KCNK2: variants seen among roughly 807,000 people sequenced by gnomAD.
The protein encoded by KCNK2 is potassium channel subfamily K member 2.
KCNK2 carries 21 observed loss-of-function variants against 40.5 expected under a neutral mutation model. The ratio of observed to expected loss-of-function variants is 0.52; its 90% CI spans 0.37 to 0.75. The LOEUF is 0.75. Among genes scored for constraint, KCNK2 ranks in the 30% least tolerant of loss-of-function variants. The pLI, the probability that KCNK2 is intolerant of heterozygous loss-of-function variation, is 0.00. For synonymous variants in KCNK2, 191 were observed against 202.2 expected (o/e 0.94, Z 0.47); for missense variants, 399 against 531.6 (o/e 0.75, Z 2.45).
intron 6 of KCNK2, among the ~76,000 whole-genome samples, chr1:215,209,351 T>G (rs1665477190): frequency 1.2e-5 from 1 of 80,496 alleles, no homozygotes; most frequent in Non-Finnish European, 2.2e-5. Context: ...ATATATATAT[T>G]ATATATAATA....
intron 1 of KCNK2, among the ~76,000 whole-genome samples, chr1:215,041,753 T>A (rs1657570889): frequency 6.6e-6 from 1 of 152,228 alleles, no homozygotes; most frequent in Non-Finnish European, 1.5e-5. Context: ...AGCTATATTT[T>A]CAGGTCTGTA....
intron 6 of KCNK2, among the ~76,000 whole-genome samples, chr1:215,203,536 A>T (rs181665138): frequency 2.0e-4 from 30 of 152,068 alleles, no homozygotes; most frequent in African/African-American, 7.2e-4. Context: ...GACTATATAT[A>T]TATATAATAT....
chr1:215,117,188 G>A (rs1221858979), intron 2 of KCNK2, among the ~76,000 whole-genome samples: 1 of 151,956 alleles, frequency 6.6e-6, no homozygotes, highest in African/African-American at 2.4e-5. Context: ...CTAGTTTCAT[G>A]TAATGAGTCA....
chr1:215,029,640 G>T (rs1313955236), intron 1 of KCNK2, among the ~76,000 whole-genome samples: 1 of 145,598 alleles, frequency 6.9e-6, no homozygotes, highest in African/African-American at 2.5e-5. Flanking sequence ...TATAAATATT[G>T]ATATATTTAA....
chr1:215,189,535 A>C (rs919154899), intron 5 of KCNK2, among the ~76,000 whole-genome samples: 1 of 152,158 alleles, frequency 6.6e-6, no homozygotes, highest in Admixed American at 6.5e-5. Context: ...CAATTTAAGA[A>C]CAAGTACCTA....
chr1:215,197,439 T>C (rs563220357), intron 6 of KCNK2, among the ~76,000 whole-genome samples: 1 of 152,306 alleles, frequency 6.6e-6, no homozygotes, highest in South Asian at 2.1e-4. Context: ...CTTTTCTCTG[T>C]GTGCATGCAT....
chr1:215,153,106 G>C (rs1662758590), intron 3 of KCNK2, among the ~76,000 whole-genome samples: 1 of 152,118 alleles, frequency 6.6e-6, no homozygotes, highest in Admixed American at 6.6e-5. Context: ...CTCACATAGA[G>C]GGTAGAAAGG....
chr1:215,006,486 T>C (rs1438691139), intron 1 of KCNK2, among the ~76,000 whole-genome samples: 1 of 152,210 alleles, frequency 6.6e-6, no homozygotes. Flanking sequence ...TCTTGAGAAC[T>C]AAGACCTAAG....
upstream of KCNK2, among the ~76,000 whole-genome samples, chr1:215,081,554 C>T (rs775407878): frequency 6.6e-6 from 1 of 151,868 alleles, no homozygotes; most frequent in Non-Finnish European, 1.5e-5. Flanking sequence ...TTATCATTGA[C>T]GGTAACAGTT....
In KCNK2 at chr1:215,110,231, T is replaced by A. The variant is rs1239960753; in HGVS notation, c.358-14402T>A. On this transcript the variant is annotated intron_variant, in intron 2 of 6. Transcript: ENST00000444842. Reference sequence around the variant, plus strand: ...TTTTAGTTTAATATAGTCCCATTTGTCTATTTTTGTTTTTGTTGCCTGTGC... The same window carrying A: ...TTTTAGTTTAATATAGTCCCATTTGACTATTTTTGTTTTTGTTGCCTGTGC... Among the ~76,000 whole-genome samples, 2 of 152,130 alleles carry A rather than the reference T, an allele frequency of 1.3e-5. 1 individual carries two copies. The highest frequency in any genetic ancestry group is 1.3e-4 in the Admixed American group (2 of 15,246).
intron 1 of KCNK2, among the ~76,000 whole-genome samples, chr1:215,040,678 T>G (rs573108077): frequency 6.6e-6 from 1 of 152,260 alleles, no homozygotes; most frequent in Non-Finnish European, 1.5e-5. Context: ...GCTTTGTGGG[T>G]TTAGATACAG....
rs17613960 is a variant in KCNK2 at position 215,171,011 on chromosome 1, G to A, written c.637-986G>A. Among the ~76,000 whole-genome samples the A allele has an allele frequency of 7.3e-3, 1,112 of 152,216 alleles. 12 individuals are homozygous for A. The highest frequency in any genetic ancestry group is 0.014 in the Middle Eastern group (4 of 294). On this transcript the variant is annotated intron_variant, in intron 4 of 6. Transcript: ENST00000444842. Reference sequence around the variant, plus strand: ...TAACTCTCACAGGTAAGATGAGGATGGTTGACTAGAGGAATGTCTATGTAC... The same window carrying A: ...TAACTCTCACAGGTAAGATGAGGATAGTTGACTAGAGGAATGTCTATGTAC...
At chr1:215,179,194 G>A (rs1664120151) in intron 5 of KCNK2, among the ~76,000 whole-genome samples, 1 of 152,082 alleles carries the variant, frequency 6.6e-6, no homozygotes, top group East Asian at 1.9e-4. Flanking sequence ...GGGACCAGTT[G>A]TAATGTTACC....
intron 2 of KCNK2, among the ~76,000 whole-genome samples, chr1:215,092,746 G>A (rs1046379639): frequency 7.2e-5 from 11 of 152,094 alleles, no homozygotes; most frequent in African/African-American, 2.7e-4. Flanking sequence ...CAGCGACATA[G>A]CTCCCCAGAG....
At chr1:215,168,734 G>A (rs1449152377) in intron 3 of KCNK2, among the ~76,000 whole-genome samples, 1 of 152,090 alleles carries the variant, frequency 6.6e-6, no homozygotes, top group Non-Finnish European at 1.5e-5. Context: ...AGAGCATTAG[G>A]ACAAATAGCT....
At chr1:215,221,409 A>G (rs1395496330) in intron 6 of KCNK2, among the ~76,000 whole-genome samples, 3 of 152,118 alleles carry the variant, frequency 2.0e-5, no homozygotes, top group African/African-American at 4.8e-5. Flanking sequence ...ACAACAAAAA[A>G]CACACAAAAA....
At chr1:215,077,869 C>A (rs572108253), upstream of KCNK2, among the ~76,000 whole-genome samples, 1 of 152,236 alleles carries the variant, frequency 6.6e-6, no homozygotes, top group East Asian at 1.9e-4. Flanking sequence ...GAAGTAAATA[C>A]TCCCACTTTA....
At chr1:215,061,794 T>C (rs1342994215) in intron 1 of KCNK2, among the ~76,000 whole-genome samples, 1 of 152,136 alleles carries the variant, frequency 6.6e-6, no homozygotes, top group Admixed American at 6.5e-5. Flanking sequence ...ATTGTCCTTG[T>C]TACTAGTTAG....
intron 6 of KCNK2, among the ~76,000 whole-genome samples, chr1:215,228,430 A>G (rs1666482718): frequency 6.6e-6 from 1 of 152,168 alleles, no homozygotes; most frequent in African/African-American, 2.4e-5. Context: ...GTGCCTGTTT[A>G]TATATAGCAC....
Sources: allele counts gnomAD v4.1 joint callset (sites outside exome capture counted in the v4.1 genomes callset), GRCh38; gene constraint gnomAD v4.1.1; transcripts MANE v1.5; gene names NCBI Gene and HGNC (gene_info 2026-07-23, HGNC 2026-07-21).